ASB7: variants seen among roughly 807,000 people sequenced by gnomAD.
ASB7 encodes ankyrin repeat and SOCS box protein 7.
A neutral mutation model predicts 32.5 loss-of-function variants in ASB7; 4 were observed. The observed-to-expected ratio is 0.12, with a 90% confidence interval of 0.06 to 0.28. The LOEUF (loss-of-function observed/expected upper bound fraction) is 0.28, where lower values mean the gene tolerates loss of function less well. Ranked by LOEUF, ASB7 falls within the 10% of genes least tolerant of loss-of-function variation. The pLI is 1.00. For missense variants in ASB7, 181 were observed against 407.1 expected (o/e 0.44, Z 4.78); for synonymous variants, 172 against 155.6 (o/e 1.11, Z -0.78).
intron 5 of ASB7, among the ~76,000 whole-genome samples, chr15:100,632,509 C>T (rs1006769305): frequency 6.6e-6 from 1 of 152,204 alleles, no homozygotes; most frequent in African/African-American, 2.4e-5. Context: ...GTGGCTGATG[C>T]TCTGGACTGA....
Position 100,602,986 on chromosome 15 carries a change from A to C in ASB7, c.-333A>C, listed in dbSNP as rs1018892700. 1.5e-5 allele frequency: 6 copies of C among 399,022 alleles called. No homozygotes were observed. The highest frequency in any genetic ancestry group is 2.6e-5 in the Non-Finnish European group (6 of 226,462). The allele number at this position is 399,022 out of a possible 1,614,324, so 24.7% of individuals were successfully genotyped here. On this transcript the variant is annotated 5_prime_UTR_variant, in exon 1 of 6. Coordinates refer to ENST00000332783, the MANE Select transcript of ASB7 (RefSeq NM_198243.3). ...CCTGCCTGGGGTATTTCTTCAATGGAGAAGTTGGTGAGTGTAGAGGAGGCT... is the reference window on the plus strand; with the variant it reads ...CCTGCCTGGGGTATTTCTTCAATGGCGAAGTTGGTGAGTGTAGAGGAGGCT...
chr15:100,634,855 G>T (rs1194809167), intron 5 of ASB7, among the ~76,000 whole-genome samples: 1 of 152,134 alleles, frequency 6.6e-6, no homozygotes, highest in Non-Finnish European at 1.5e-5. Flanking sequence ...TGTGCAAATG[G>T]TATGGAAATT....
intron 4 of ASB7, among the ~76,000 whole-genome samples, chr15:100,623,701 T>C (rs1469197319): frequency 6.6e-6 from 1 of 152,150 alleles, no homozygotes; most frequent in Non-Finnish European, 1.5e-5. Context: ...AAAATAGAAA[T>C]ACTATGTAAT....
chr15:100,637,046 G>A (rs747660032), intron 5 of ASB7, among the ~76,000 whole-genome samples: 4 of 152,216 alleles, frequency 2.6e-5, no homozygotes, highest in Non-Finnish European at 5.9e-5. Flanking sequence ...AAGAATGTCC[G>A]TGATGAGGCG....
At chr15:100,631,580 A>G (rs994715990) in intron 5 of ASB7, among the ~76,000 whole-genome samples, 6 of 152,146 alleles carry the variant, frequency 3.9e-5, no homozygotes, top group African/African-American at 1.2e-4. Context: ...AAGGCATGTT[A>G]TATACTCACT....
chr15:100,606,625 T>A (rs2039647346), intron 2 of ASB7, among the ~76,000 whole-genome samples: 1 of 152,256 alleles, frequency 6.6e-6, no homozygotes, highest in African/African-American at 2.4e-5. Context: ...GGAAATTAGA[T>A]GGTAATGTAC....
chr15:100,645,225 T>C (rs557271473), intron 5 of ASB7, among the ~76,000 whole-genome samples: 1 of 152,340 alleles, frequency 6.6e-6, no homozygotes, highest in African/African-American at 2.4e-5. Context: ...AGCCACAGTT[T>C]CTGTTTTATA....
intron 4 of ASB7, among the ~76,000 whole-genome samples, chr15:100,625,376 G>A (rs1192320356): frequency 6.6e-6 from 1 of 152,120 alleles, no homozygotes; most frequent in African/African-American, 2.4e-5. Flanking sequence ...TTTTGGGTAG[G>A]TTATAGAATA....
At chr15:100,603,637 A>G (rs1441309539) in intron 2 of ASB7, among the ~76,000 whole-genome samples, 1 of 152,092 alleles carries the variant, frequency 6.6e-6, no homozygotes, top group Non-Finnish European at 1.5e-5. Context: ...CCTTACTCTC[A>G]TAGGAATTCC....
intron 5 of ASB7, chr15:100,645,655 A>G (rs939924512): frequency 1.6e-6 from 2 of 1,245,416 alleles, no homozygotes; most frequent in East Asian, 2.3e-5. Flanking sequence ...CCCAACCTGT[A>G]TGTGAGGTTA....
intron 4 of ASB7, chr15:100,612,637 C>G: frequency 1.7e-6 from 1 of 589,350 alleles, no homozygotes; most frequent in Non-Finnish European, 3.0e-6. Flanking sequence ...ATTCTTTTCC[C>G]TGAAACTGTA....
chr15:100,645,516 T>C (rs2141408800), intron 5 of ASB7: 1 of 646,732 alleles, frequency 1.5e-6, no homozygotes, highest in Admixed American at 1.9e-5. Context: ...CTCAGAACTT[T>C]CTCTTCATGA....
At chr15:100,636,660 C>A (rs993225076) in intron 5 of ASB7, among the ~76,000 whole-genome samples, 3 of 152,180 alleles carry the variant, frequency 2.0e-5, no homozygotes, top group African/African-American at 7.2e-5. Flanking sequence ...GGAACATAGT[C>A]CCCAAGTCCC....
intron 4 of ASB7, among the ~76,000 whole-genome samples, chr15:100,622,932 G>A (rs906645419): frequency 2.0e-5 from 3 of 152,128 alleles, no homozygotes; most frequent in East Asian, 1.9e-4. Flanking sequence ...AGGCAAATGG[G>A]ACTATATTTT....
chr15:100,616,963 C>T (rs970700366), intron 4 of ASB7, among the ~76,000 whole-genome samples: 4 of 152,216 alleles, frequency 2.6e-5, no homozygotes, highest in Admixed American at 2.0e-4. Context: ...ATTCTCACCA[C>T]GGTGTTCATT....
chr15:100,634,389 GA>G (rs1393792876), intron 5 of ASB7, among the ~76,000 whole-genome samples: 12 of 152,346 alleles, frequency 7.9e-5, no homozygotes, highest in African/African-American at 2.9e-4. Context: ...AGAAGTAGGA[GA>G]AAATATATGT....
At chr15:100,637,860 G>C (rs1180017771) in intron 5 of ASB7, among the ~76,000 whole-genome samples, 1 of 152,174 alleles carries the variant, frequency 6.6e-6, no homozygotes, top group East Asian at 1.9e-4. Flanking sequence ...TCTGACTCCA[G>C]CTGCCTTCTG....
chr15:100,648,198 T>A, intron 5 of ASB7, 125 bp from the exon 6 acceptor site: 1 of 1,053,004 alleles, frequency 9.5e-7, no homozygotes, highest in Non-Finnish European at 1.3e-6. Flanking sequence ...AGTTGGTATC[T>A]TTCCGGTCCT....
rs1418019289 is a variant in ASB7 at position 100,651,486 on chromosome 15, TTAA to T, written c.*3026_*3028del. The T allele has an allele frequency of 6.6e-6, 1 of 152,208 alleles. No individual in the cohort carries two copies. Among genetic ancestry groups the T allele is most frequent in the Non-Finnish European group, 1.5e-5 (1 of 68,050 alleles). The allele number at this position is 152,208 out of a possible 1,614,324, so 9.4% of individuals were successfully genotyped here. Reference sequence around the variant, plus strand: ...ACCCCAAGAGACAAGAATGTGTAGTTTAATGACCGGCGTGGACCATACGAAATT... The same window carrying T: ...ACCCCAAGAGACAAGAATGTGTAGTTTGACCGGCGTGGACCATACGAAATT... On this transcript the variant is annotated 3_prime_UTR_variant, in exon 6 of 6. Transcript: ENST00000332783.
Sources: gnomAD v4.1 joint callset for allele counts (sites outside exome capture counted in the v4.1 genomes callset) on GRCh38, gnomAD v4.1.1 for gene constraint, MANE v1.5 for transcripts, NCBI Gene and HGNC (gene_info 2026-07-23, HGNC 2026-07-21) for gene names.